XYLT1: variants seen among roughly 807,000 people sequenced by gnomAD.
XYLT1 encodes the protein xylosyltransferase 1, also known as beta-D-xylosyltransferase 1.
A neutral mutation model predicts 91.3 loss-of-function variants in XYLT1; 36 were observed. The observed-to-expected ratio is 0.39, with a 90% CI of 0.30 to 0.52. The LOEUF is 0.52. XYLT1 is among the 20% of genes least tolerant of loss of function. The pLI is 0.68. For missense variants in XYLT1, 1,242 were observed against 1,284.5 expected (o/e 0.97, Z 0.51); for synonymous variants, 588 against 532.0 (o/e 1.11, Z -1.45).
At chr16:17,415,250 C>T (rs2036166017) in intron 1 of XYLT1, among the ~76,000 whole-genome samples, 2 of 152,174 alleles carry the variant, frequency 1.3e-5, no homozygotes, top group Non-Finnish European at 2.9e-5. Context: ...CCCTCCCCTC[C>T]ACTGCAACAC....
At chr16:17,385,226 C>G (rs7500972) in intron 1 of XYLT1, among the ~76,000 whole-genome samples, 45,454 of 150,162 alleles carry the variant, frequency 0.3, 7,531 homozygotes, top group Non-Finnish European at 0.37. Flanking sequence ...TAAATAGAGG[C>G]CCCCGCTGCC....
intron 1 of XYLT1, among the ~76,000 whole-genome samples, chr16:17,370,600 C>T (rs903590662): frequency 1.3e-5 from 2 of 152,180 alleles, no homozygotes; most frequent in Admixed American, 6.5e-5. Context: ...TCTGTTTAGC[C>T]AGCACTTTGA....
chr16:17,437,642 C>T lies in XYLT1; in HGVS notation c.363+32792G>A, dbSNP rs559417158. ...GAATAACAGCCTACTGTTCGTGGAG[C>T]GGTTGTTTAGATAAAGAGAAGAGAG... On this transcript the variant is annotated intron_variant, in intron 1 of 11. Coordinates refer to ENST00000261381, the MANE Select transcript of XYLT1 (RefSeq NM_022166.4). 4.6e-5 allele frequency among the ~76,000 whole-genome samples: 7 copies of T among 152,068 alleles called. No homozygotes were observed. The South Asian group carries it at 6.2e-4, about 14-fold the overall frequency.
intron 3 of XYLT1, among the ~76,000 whole-genome samples, chr16:17,239,782 C>T (rs913883212): frequency 2.0e-5 from 3 of 151,964 alleles, no homozygotes; most frequent in African/African-American, 7.3e-5. Flanking sequence ...CCACCAACCA[C>T]CCACTCGCTC....
chr16:17,335,739 T>C (rs1208089989), intron 2 of XYLT1, among the ~76,000 whole-genome samples: 2 of 152,206 alleles, frequency 1.3e-5, no homozygotes, highest in Admixed American at 6.5e-5. Context: ...TTTCCATTTT[T>C]TGCCCTATCC....
intron 1 of XYLT1, among the ~76,000 whole-genome samples, chr16:17,446,617 C>T (rs1172585598): frequency 6.6e-6 from 1 of 152,180 alleles, no homozygotes; most frequent in Non-Finnish European, 1.5e-5. Context: ...GGGAGTGAGA[C>T]CTGCTTTCAG....
chr16:17,346,064 GCCT>G (rs551309913), intron 2 of XYLT1, among the ~76,000 whole-genome samples: 68 of 152,290 alleles, frequency 4.5e-4, no homozygotes, highest in South Asian at 1.0e-3. Flanking sequence ...ACCTGCCTTG[GCCT>G]CCCAAAGTGC....
chr16:17,138,147 G>GTTAA (rs1047040326), intron 8 of XYLT1: 2 of 540,750 alleles, frequency 3.7e-6, no homozygotes, highest in Non-Finnish European at 6.4e-6. Context: ...TTGTTTTTGG[G>GTTAA]TTAATGAGTC....
chr16:17,345,816 T>G (rs116303354), intron 2 of XYLT1, among the ~76,000 whole-genome samples: 1 of 152,162 alleles, frequency 6.6e-6, no homozygotes, highest in Non-Finnish European at 1.5e-5. Context: ...TTTTATTTAT[T>G]ATTATTATTT....
intron 2 of XYLT1, among the ~76,000 whole-genome samples, chr16:17,272,680 G>C (rs1043057815): frequency 3.9e-5 from 6 of 152,208 alleles, no homozygotes; most frequent in African/African-American, 1.4e-4. Context: ...ACGCATGACA[G>C]TTGTCTTGAG....
intron 2 of XYLT1, among the ~76,000 whole-genome samples, chr16:17,314,728 C>A (rs2034600437): frequency 6.6e-6 from 1 of 152,108 alleles, no homozygotes; most frequent in Admixed American, 6.5e-5. Flanking sequence ...CTTGACAAAC[C>A]AAAGCTAACA....
intron 2 of XYLT1, among the ~76,000 whole-genome samples, chr16:17,310,067 G>C (rs1285567042): frequency 1.3e-5 from 2 of 152,126 alleles, no homozygotes; most frequent in Non-Finnish European, 2.9e-5. Flanking sequence ...CTGATTTCAG[G>C]AATGAGCTGC....
chr16:17,204,567 G>A (rs2032605535), intron 3 of XYLT1, among the ~76,000 whole-genome samples: 2 of 151,994 alleles, frequency 1.3e-5, no homozygotes, highest in Admixed American at 6.6e-5. Flanking sequence ...GGGCAGAGGG[G>A]GAAGACAGCG....
chr16:17,236,898 T>C (rs2141728863), intron 3 of XYLT1, among the ~76,000 whole-genome samples: 1 of 152,316 alleles, frequency 6.6e-6, no homozygotes, highest in South Asian at 2.1e-4. Flanking sequence ...GCAAAGACCC[T>C]ATTTCCAAAT....
At chr16:17,412,894 C>T (rs2036129870) in intron 1 of XYLT1, among the ~76,000 whole-genome samples, 1 of 152,198 alleles carries the variant, frequency 6.6e-6, no homozygotes, top group South Asian at 2.1e-4. Context: ...CTGGTCAAAT[C>T]CTGAACCTGA....
At chr16:17,307,802 G>T (rs2034489435) in intron 2 of XYLT1, among the ~76,000 whole-genome samples, 1 of 152,144 alleles carries the variant, frequency 6.6e-6, no homozygotes, top group African/African-American at 2.4e-5. Flanking sequence ...ATTCAACTGG[G>T]CAATTGCTCA....
At chr16:17,176,472 A>G (rs138182121) in intron 5 of XYLT1, among the ~76,000 whole-genome samples, 5 of 152,378 alleles carry the variant, frequency 3.3e-5, no homozygotes, top group African/African-American at 1.2e-4. Flanking sequence ...GCCAGTAAAC[A>G]GAACAGCTGG....
Position 17,141,339 on chromosome 16 carries a change from G to A in XYLT1, c.1401C>T (p.Leu467=), listed in dbSNP as rs1389939864. The change falls in exon 7 of 12, where the codon CTC becomes CTT. Residue 467 remains leucine, a synonymous_variant. Transcript: ENST00000261381. ...ACATGTGAGCGTCGCACTCCAGGAA[G>A]AGCCGATCCAGGCCCTGCTTCCGAA... is the stretch of plus-strand genomic sequence containing the variant. The part of the protein sequence containing the change: ...RFIRKQGLDR[L]FLECDAHMWR... 1.9e-6 allele frequency: 3 copies of A among 1,614,186 alleles called. No homozygotes were observed. In the South Asian group the frequency reaches 3.3e-5, roughly 18 times the overall value.
chr16:17,442,473 T>C (rs981739743), intron 1 of XYLT1, among the ~76,000 whole-genome samples: 3 of 152,202 alleles, frequency 2.0e-5, no homozygotes, highest in African/African-American at 7.2e-5. Flanking sequence ...GTCATTCTTC[T>C]GGGGTGTCTG....
Sources: gnomAD v4.1 joint callset for allele counts (sites outside exome capture counted in the v4.1 genomes callset) on GRCh38, gnomAD v4.1.1 for gene constraint, MANE v1.5 for transcripts, NCBI Gene and HGNC (gene_info 2026-07-23, HGNC 2026-07-21) for gene names.